Variants in VWF observed in about 807,000 individuals in gnomAD.
VWF encodes von Willebrand factor.
A neutral mutation model predicts 308.6 loss-of-function variants in VWF; 176 were observed. The ratio of observed to expected loss-of-function variants is 0.57; its 90% CI spans 0.50 to 0.65. The LOEUF (loss-of-function observed/expected upper bound fraction) is 0.65, where lower values mean the gene tolerates loss of function less well. VWF is among the 30% of genes least tolerant of loss of function. VWF has a pLI of 0.00. For synonymous variants in VWF, 1,385 were observed against 1,443.4 expected (o/e 0.96, Z 0.92); for missense variants, 3,146 against 3,648.2 (o/e 0.86, Z 3.55).
intron 50 of VWF, among the ~76,000 whole-genome samples, chr12:5,950,601 C>T (rs1304609646): frequency 6.6e-6 from 1 of 151,938 alleles, no homozygotes; most frequent in African/African-American, 2.4e-5. Context: ...AGTCTGCCTC[C>T]TAATTTCTAG....
rs551067068 is a variant in VWF at position 6,067,773 on chromosome 12, G to C, written c.1157-2500C>G. Among the ~76,000 whole-genome samples the C allele has an allele frequency of 1.6e-4, 24 of 152,206 alleles. 1 individual carries two copies. The South Asian group carries it at 4.6e-3, about 29-fold the overall frequency. On this transcript the variant is annotated intron_variant, in intron 10 of 51. Coordinates refer to ENST00000261405, the MANE Select transcript of VWF (RefSeq NM_000552.5). ...AACAGCGGGCCCACCACTAGATGGA[G>C]ATGGGCACTGGAAGTTTGGGGAATG...
At chr12:5,997,644 C>CACATGTTAAACATGTTAA (rs1555193196) in intron 34 of VWF, among the ~76,000 whole-genome samples, 1 of 152,164 alleles carries the variant, frequency 6.6e-6, no homozygotes, top group Non-Finnish European at 1.5e-5. Context: ...GTGCATGACT[C>CACATGTTAAACATGTTAA]ACATGTGCAT....
chr12:6,100,935 T>G (rs1260677652), intron 5 of VWF, among the ~76,000 whole-genome samples: 1 of 151,990 alleles, frequency 6.6e-6, no homozygotes, highest in Non-Finnish European at 1.5e-5. Flanking sequence ...GAGTAGAGCT[T>G]CAAAAACTTC....
chr12:6,102,475 A>G (rs1843661023), intron 5 of VWF, among the ~76,000 whole-genome samples: 1 of 151,986 alleles, frequency 6.6e-6, no homozygotes, highest in Admixed American at 6.6e-5. Flanking sequence ...GTTGGCTCAC[A>G]CCTGTAATCC....
At position 6,024,081 on chromosome 12, in the gene VWF, C is replaced by T. The variant is rs140055946; in HGVS notation, c.3223-294G>A. Among the ~76,000 whole-genome samples, 507 of 152,336 alleles carry T rather than the reference C, an allele frequency of 3.3e-3. 1 individual carries two copies. Among genetic ancestry groups the T allele is most frequent in the Middle Eastern group, 0.017 (5 of 294 alleles). On this transcript the variant is annotated intron_variant, in intron 24 of 51. Transcript: ENST00000261405. The surrounding 1 kb of genome is among the most constrained non-coding windows in gnomAD (Gnocchi z 4.0). ...TTCCCTCTGTCCCTCTGCCTACCTC[C>T]CTGCTCAGCCACCCATCTGTCCTCA...
At chr12:5,997,551 C>T (rs951528748) in intron 34 of VWF, among the ~76,000 whole-genome samples, 1 of 152,228 alleles carries the variant, frequency 6.6e-6, no homozygotes, top group Non-Finnish European at 1.5e-5. Context: ...CTCCTATCTC[C>T]TCTGCATAAT....
At chr12:5,968,575 C>G (rs1445137565) in intron 45 of VWF, among the ~76,000 whole-genome samples, 2 of 152,160 alleles carry the variant, frequency 1.3e-5, no homozygotes, top group Non-Finnish European at 2.9e-5. Flanking sequence ...GTGGGCAGAT[C>G]ACTTGAGGTC....
chr12:6,021,241 C>T (rs1223275278), intron 27 of VWF: 3 of 152,508 alleles, frequency 2.0e-5, no homozygotes, highest in Non-Finnish European at 4.4e-5. Flanking sequence ...TCCCAGAAGG[C>T]TTGATTAGTG....
rs142547370 is a variant in VWF, at chr12:6,097,253, G to C, written c.533-1669C>G. Among the ~76,000 whole-genome samples, 16 of 152,150 alleles carry C rather than the reference G, an allele frequency of 1.1e-4. 1 individual carries two copies. The South Asian group carries it at 1.2e-3, about 12-fold the overall frequency. ...AGATCAAGACCATCCTGGCCAAGATGGTGAAACCCCGTCTCTACTAAAAAT... is the reference window on the plus strand; with the variant it reads ...AGATCAAGACCATCCTGGCCAAGATCGTGAAACCCCGTCTCTACTAAAAAT... On this transcript the variant is annotated intron_variant, in intron 5 of 51. Coordinates refer to ENST00000261405, the MANE Select transcript of VWF (RefSeq NM_000552.5).
chr12:6,093,026 CCCAGCCTGCAGGATGG>C (rs951710593), intron 6 of VWF, among the ~76,000 whole-genome samples: 3 of 152,040 alleles, frequency 2.0e-5, no homozygotes, highest in Admixed American at 1.3e-4. Flanking sequence ...GGCTACACTT[CCCAGCCTGCAGGATGG>C]CCAGCCTGCA....
chr12:6,045,347 CA>C (rs1305030544), intron 17 of VWF, among the ~76,000 whole-genome samples: 1 of 152,218 alleles, frequency 6.6e-6, no homozygotes, highest in Non-Finnish European at 1.5e-5. Context: ...ACTGAAACTC[CA>C]AAAGGCTAAA....
At chr12:6,013,773 T>C in intron 31 of VWF, 128 bp from the exon 32 acceptor site, 2 of 1,032,980 alleles carry the variant, frequency 1.9e-6, no homozygotes, top group South Asian at 1.3e-5. Flanking sequence ...ATCAGCCCTA[T>C]GAGGAAGATG....
intron 49 of VWF, 200 bp downstream of exon 49, chr12:5,952,191 A>T: frequency 3.8e-6 from 3 of 791,836 alleles, no homozygotes; most frequent in Non-Finnish European, 6.1e-6. Context: ...TAAGGAAAAT[A>T]TTTTTTTAAA....
intron 6 of VWF, among the ~76,000 whole-genome samples, chr12:6,091,822 C>T (rs1591912170): frequency 1.3e-5 from 2 of 152,324 alleles, no homozygotes; most frequent in South Asian, 2.1e-4. Context: ...ACCAATGTGA[C>T]CCGAACAGGA....
Position 6,005,595 on chromosome 12 carries a change from A to G in VWF, c.5842+6022T>C, listed in dbSNP as rs143216131. 9.6e-3 allele frequency among the ~76,000 whole-genome samples: 1,467 copies of G among 152,352 alleles called. 23 individuals are homozygous for G. Among genetic ancestry groups the G allele is most frequent in the African/African-American group, 0.032 (1,328 of 41,588 alleles). ...ATAATCAATTTGTCAAAAGTCAAAGACAAAAACAGAATTTTGAAAGCAGCA... is the reference window on the plus strand; with the variant it reads ...ATAATCAATTTGTCAAAAGTCAAAGGCAAAAACAGAATTTTGAAAGCAGCA... On this transcript the variant is annotated intron_variant, in intron 34 of 51. Coordinates refer to ENST00000261405, the MANE Select transcript of VWF (RefSeq NM_000552.5).
Position 5,996,204 on chromosome 12 carries a change from G to C in VWF, c.5861C>G (p.Ser1954Cys). The change falls in exon 35 of 52, where the codon TCC becomes TGC. Residue 1954 changes from serine to cysteine, a missense_variant. Ser to Cys is a moderately radical substitution (Grantham distance 112). Transcript: ENST00000261405. The stretch of plus-strand genomic sequence containing the variant: ...ATCAAAGGTCACGATGTGCCGAGTG[G>C]AGCTGCCTGTGCACACGCCTGGACA... ...WTCPCVCTGS[S>C]TRHIVTFDGQ... The C allele has an allele frequency of 6.2e-7, 1 of 1,613,000 alleles. No homozygotes were observed. The highest frequency in any genetic ancestry group is 8.5e-7 in the Non-Finnish European group (1 of 1,179,638).
At chr12:6,071,637 T>C (rs571310027) in intron 9 of VWF, among the ~76,000 whole-genome samples, 3 of 152,178 alleles carry the variant, frequency 2.0e-5, no homozygotes, top group East Asian at 1.9e-4. Flanking sequence ...GAAGTCAAAT[T>C]CCTACCCCAC....
At chr12:5,952,772 T>C (rs560559390) in intron 48 of VWF, among the ~76,000 whole-genome samples, 2 of 152,294 alleles carry the variant, frequency 1.3e-5, no homozygotes, top group South Asian at 2.1e-4. Context: ...GATTGAGATA[T>C]AGCAACAGTA....
At chr12:6,123,096 A>G in intron 2 of VWF, 46 bp downstream of exon 2, 1 of 1,612,028 alleles carries the variant, frequency 6.2e-7, no homozygotes, top group Non-Finnish European at 8.5e-7. Context: ...GTCACTCCAG[A>G]TGGCCCTGGG....
Sources: allele counts gnomAD v4.1 joint callset (sites outside exome capture counted in the v4.1 genomes callset), GRCh38; gene constraint gnomAD v4.1.1; non-coding constraint Gnocchi (gnomAD v3.1); transcripts MANE v1.5; gene names NCBI Gene and HGNC (gene_info 2026-07-23, HGNC 2026-07-21).